Variants in DGKB observed in about 807,000 individuals in gnomAD.
DGKB encodes the protein diacylglycerol kinase beta, also known as 90 kDa diacylglycerol kinase.
Under a neutral mutation model 114.3 loss-of-function variants are expected in DGKB, and 67 were observed. That is an observed-to-expected ratio of 0.59 (90% CI 0.48 to 0.72). DGKB has a LOEUF of 0.72. Among genes scored for constraint, DGKB ranks in the 30% least tolerant of loss-of-function variants. DGKB has a pLI of 0.00. For synonymous variants in DGKB, 398 were observed against 323.1 expected (o/e 1.23, Z -2.49); for missense variants, 907 against 975.2 (o/e 0.93, Z 0.93).
intron 13 of DGKB, among the ~76,000 whole-genome samples, chr7:14,651,910 GA>G (rs1814597354): frequency 7.4e-6 from 1 of 134,410 alleles, no homozygotes; most frequent in African/African-American, 2.8e-5. Flanking sequence ...TTGCTTCAAA[GA>G]GAATAAAATA....
rs145933298 is a variant in DGKB, at chr7:14,654,125, T to G, written c.1134+18804A>C. On this transcript the variant is annotated intron_variant, in intron 13 of 25. Transcript: ENST00000402815. The stretch of plus-strand genomic sequence containing the variant: ...TCCTTGTAAATGAGATAATCTTACA[T>G]ATAGAAAAACCTGAAGACTTCACAA... 2.0e-5 allele frequency among the ~76,000 whole-genome samples: 3 copies of G among 152,086 alleles called. No individual in the cohort carries two copies. The East Asian group carries it at 5.8e-4, about 29-fold the overall frequency.
intron 9 of DGKB, among the ~76,000 whole-genome samples, chr7:14,689,596 G>A (rs907896586): frequency 6.6e-6 from 1 of 152,090 alleles, no homozygotes; most frequent in Non-Finnish European, 1.5e-5. Context: ...ACATTGTAAG[G>A]TCACCTGTCA....
intron 23 of DGKB, among the ~76,000 whole-genome samples, chr7:14,262,747 T>C (rs1367582463): frequency 6.6e-6 from 1 of 152,108 alleles, no homozygotes; most frequent in Non-Finnish European, 1.5e-5. Context: ...TGTGGAATGA[T>C]AAACTCAGAA....
chr7:14,488,972 C>T (rs1784237275), intron 20 of DGKB, among the ~76,000 whole-genome samples: 1 of 152,112 alleles, frequency 6.6e-6, no homozygotes, highest in Non-Finnish European at 1.5e-5. Flanking sequence ...CAATCAGCAA[C>T]TGAATTAAAA....
chr7:14,220,318 G>T lies in DGKB; in HGVS notation c.2123-42167C>A, dbSNP rs367758072. On this transcript the variant is annotated intron_variant, in intron 23 of 25. Coordinates refer to ENST00000402815, the MANE Select transcript of DGKB (RefSeq NM_001350709.2). The stretch of plus-strand genomic sequence containing the variant: ...GGAACGACTGTATAGCACGAAATAA[G>T]AGTCCAACTGCATTCTTTGTATGTA... Among the ~76,000 whole-genome samples, 24 of 151,662 alleles carry T rather than the reference G, an allele frequency of 1.6e-4. No homozygotes were observed. The South Asian group carries it at 4.4e-3, about 28-fold the overall frequency.
intron 1 of DGKB, among the ~76,000 whole-genome samples, chr7:14,933,600 T>C (rs906089385): frequency 3.3e-5 from 5 of 152,184 alleles, no homozygotes; most frequent in Non-Finnish European, 7.3e-5. Flanking sequence ...TACTCCTCTC[T>C]GCAGTCCTCA....
At position 14,929,143 on chromosome 7, in the gene DGKB, CTT is replaced by C. The variant is rs1476515482; in HGVS notation, c.-188+45551_-188+45552del. 5.3e-5 allele frequency among the ~76,000 whole-genome samples: 8 copies of C among 151,856 alleles called. No homozygotes were observed. In the South Asian group the frequency reaches 1.2e-3, roughly 24 times the overall value. On this transcript the variant is annotated intron_variant, in intron 1 of 4. Coordinates refer to the DGKB transcript ENST00000437998. ...TTATACAGTCATCCATTGATAAACA[CTT>C]AGGTTGATTCCATAGCTTTGCTCTT... is the stretch of plus-strand genomic sequence containing the variant.
upstream of DGKB, among the ~76,000 whole-genome samples, chr7:14,906,665 C>A (rs896311855): frequency 1.9e-4 from 29 of 151,946 alleles, no homozygotes; most frequent in African/African-American, 7.0e-4. Context: ...GTTGGTCAGG[C>A]TGGTCTCGAA....
intron 7 of DGKB, 149 bp downstream of exon 7, chr7:14,701,532 G>T: frequency 1.7e-6 from 1 of 599,040 alleles, no homozygotes; most frequent in Non-Finnish European, 3.0e-6. Context: ...TCACTCTCTC[G>T]CAAAAAGTCA....
intron 13 of DGKB, among the ~76,000 whole-genome samples, chr7:14,666,045 A>T (rs76443002): frequency 0.022 from 3,298 of 152,098 alleles, 53 homozygotes; most frequent in South Asian, 0.039. Context: ...ATATAAACAC[A>T]TAAAAATAAA....
chr7:14,607,538 T>G (rs1585081129), intron 16 of DGKB, 30 bp from the exon 17 acceptor site: 1 of 1,019,940 alleles, frequency 9.8e-7, no homozygotes, highest in Non-Finnish European at 1.5e-6. Context: ...GGGAAAAAAT[T>G]TAATAATATT....
At chr7:14,228,048 C>A (rs983523831) in intron 23 of DGKB, among the ~76,000 whole-genome samples, 1 of 151,984 alleles carries the variant, frequency 6.6e-6, no homozygotes, top group Non-Finnish European at 1.5e-5. Context: ...CCATCTTATC[C>A]TATAGGCTCA....
rs149649097 is a variant in DGKB at position 14,306,521 on chromosome 7, T to C, written c.2122+31994A>G. Among the ~76,000 whole-genome samples the C allele has an allele frequency of 2.0e-5, 3 of 152,120 alleles. No individual in the cohort carries two copies. The East Asian group carries it at 5.8e-4, about 29-fold the overall frequency. On this transcript the variant is annotated intron_variant, in intron 23 of 25. Coordinates refer to ENST00000402815, the MANE Select transcript of DGKB (RefSeq NM_001350709.2). ...TTAAATGGTTATTCCACGTTCATAT[T>C]TGGGCTTTCACAAAGTCACTGAAGT... is the stretch of plus-strand genomic sequence containing the variant.
chr7:14,817,563 G>A (rs796476758), intron 2 of DGKB, among the ~76,000 whole-genome samples: 11 of 152,222 alleles, frequency 7.2e-5, no homozygotes, highest in African/African-American at 2.4e-4. Context: ...TGATTTGTAA[G>A]GTTGTAAAAA....
chr7:14,487,130 C>A (rs939870946), intron 20 of DGKB, among the ~76,000 whole-genome samples: 3 of 152,122 alleles, frequency 2.0e-5, no homozygotes, highest in African/African-American at 7.2e-5. Flanking sequence ...CTCCAGACTG[C>A]CGAGTGGTAG....
intron 21 of DGKB, among the ~76,000 whole-genome samples, chr7:14,368,722 A>G (rs1817125308): frequency 3.9e-5 from 6 of 152,114 alleles, no homozygotes; most frequent in Admixed American, 3.3e-4. Context: ...AGTGCAAAGA[A>G]TCAAGCCTTG....
intron 25 of DGKB, among the ~76,000 whole-genome samples, chr7:14,170,441 T>A (rs1334022683): frequency 6.6e-6 from 1 of 152,158 alleles, no homozygotes; most frequent in African/African-American, 2.4e-5. Context: ...CAACAGAAAC[T>A]GGTACATGGT....
intron 1 of DGKB, among the ~76,000 whole-genome samples, chr7:14,945,990 C>T (rs933792363): frequency 2.6e-5 from 4 of 151,250 alleles, no homozygotes; most frequent in Admixed American, 1.3e-4. Flanking sequence ...TGAGATGCTG[C>T]GTAATTAAAT....
chr7:14,845,797 C>A (rs1848550390), intron 1 of DGKB, among the ~76,000 whole-genome samples: 1 of 150,744 alleles, frequency 6.6e-6, no homozygotes. Context: ...TTCCTAGGGA[C>A]TACATCCATT....
Sources: gnomAD v4.1 joint callset for allele counts (sites outside exome capture counted in the v4.1 genomes callset) on GRCh38, gnomAD v4.1.1 for gene constraint, MANE v1.5 for transcripts, NCBI Gene and HGNC (gene_info 2026-07-23, HGNC 2026-07-21) for gene names.